MYH15: variants seen among roughly 807,000 people sequenced by gnomAD.
The protein encoded by MYH15 is myosin-15.
In MYH15, 227 loss-of-function variants were observed where a neutral mutation model predicts 240.5. The ratio of observed to expected loss-of-function variants is 0.94; its 90% CI spans 0.85 to 1.05. MYH15 has a LOEUF of 1.05. MYH15 is among the 50% of genes least tolerant of loss of function. The pLI, the probability that MYH15 is intolerant of heterozygous loss-of-function variation, is 0.00. For synonymous variants in MYH15, 785 were observed against 796.7 expected (o/e 0.99, Z 0.25); for missense variants, 2,217 against 2,247.5 (o/e 0.99, Z 0.27).
At chr3:108,517,107 C>T (rs1272127622) in intron 1 of MYH15, among the ~76,000 whole-genome samples, 1 of 152,078 alleles carries the variant, frequency 6.6e-6, no homozygotes, top group African/African-American at 2.4e-5. Flanking sequence ...CTTCTCTTTC[C>T]CAGTTGTTCA....
At chr3:108,503,333 A>C (rs1449157399) in intron 2 of MYH15, among the ~76,000 whole-genome samples, 1 of 152,170 alleles carries the variant, frequency 6.6e-6, no homozygotes, top group African/African-American at 2.4e-5. Flanking sequence ...AGGCCTAATA[A>C]AATTTAGTTG....
chr3:108,394,268 T>C lies in MYH15; in HGVS notation c.5134-112A>G, dbSNP rs2082442820. 5.1e-6 allele frequency: 7 copies of C among 1,369,482 alleles called. No individual in the cohort carries two copies. The East Asian group carries it at 1.6e-4, about 32-fold the overall frequency. The allele number at this position is 1,369,482 out of a possible 1,614,324, so 84.8% of individuals were successfully genotyped here. A position where few individuals can be genotyped will look rare whatever the true frequency, so the allele number is the denominator to read the frequency against. On this transcript the variant is annotated intron_variant, in intron 35 of 40. Transcript: ENST00000693548. ...AGCTCTGGCCAGAAGCAAATTTTATTATAGTGAGCCATAGTCCCTTAAGCA... is the reference window on the plus strand; with the variant it reads ...AGCTCTGGCCAGAAGCAAATTTTATCATAGTGAGCCATAGTCCCTTAAGCA...
intron 35 of MYH15, among the ~76,000 whole-genome samples, chr3:108,397,087 C>T (rs1482457531): frequency 1.3e-5 from 2 of 152,144 alleles, no homozygotes; most frequent in Non-Finnish European, 2.9e-5. Flanking sequence ...TTAATCTGTC[C>T]TTCACAATAA....
chr3:108,550,253 T>C, the MYH15 span: 6 of 151,532 alleles, frequency 4.0e-5, 1 homozygote, highest in Non-Finnish European at 7.4e-5. Flanking sequence ...TGCTTTAAAA[T>C]TAAATGAACC....
chr3:108,461,680 T>C (rs1419572935), intron 16 of MYH15: 1 of 152,162 alleles, frequency 6.6e-6, no homozygotes, highest in Non-Finnish European at 1.5e-5. Flanking sequence ...AGAGGTACTT[T>C]AGCAGCTATT....
chr3:108,413,709 G>A (rs1231080200), intron 30 of MYH15, among the ~76,000 whole-genome samples: 1 of 152,138 alleles, frequency 6.6e-6, no homozygotes, highest in African/African-American at 2.4e-5. Context: ...GGGTGGCCTG[G>A]GGATGATTTC....
At position 108,500,720 on chromosome 3, in the gene MYH15, G is replaced by A. The variant is rs558736732; in HGVS notation, c.340-446C>T. Among the ~76,000 whole-genome samples, 295 of 152,306 alleles carry A rather than the reference G, an allele frequency of 1.9e-3. 1 individual carries two copies. Among genetic ancestry groups the A allele is most frequent in the African/African-American group, 6.9e-3 (286 of 41,574 alleles). The stretch of plus-strand genomic sequence containing the variant: ...GTCGCCCCCAAATAGATATATTTAT[G>A]TCCTATTCTCCAGAGCCTGTGAATG... On this transcript the variant is annotated intron_variant, in intron 3 of 40. Coordinates refer to ENST00000693548, the MANE Select transcript of MYH15 (RefSeq NM_014981.3).
rs75221360 is a variant in MYH15, at chr3:108,441,031, G to A, written c.2885C>T (p.Thr962Ile). 39 of 1,614,016 alleles carry A rather than the reference G, an allele frequency of 2.4e-5. No individual in the cohort carries two copies. In the East Asian group the frequency reaches 8.2e-4, roughly 34 times the overall value. The change falls in exon 23 of 41, where the codon ACT becomes ATT. Residue 962 changes from threonine (T) to isoleucine (I), a missense_variant. By Grantham distance (89) the Thr-to-Ile change is moderately conservative. Coordinates refer to ENST00000693548, the MANE Select transcript of MYH15 (RefSeq NM_014981.3). ...MLVKSEKEKR[T>I]TEHKVKNLTE... ...TGGAAAAAGTACCTTGTGCTCTGTAGTACGCTTCTCCTTCTCTGACTTCAC... is the reference window on the plus strand; with the variant it reads ...TGGAAAAAGTACCTTGTGCTCTGTAATACGCTTCTCCTTCTCTGACTTCAC...
intron 37 of MYH15, among the ~76,000 whole-genome samples, chr3:108,389,846 C>T (rs575635089): frequency 4.6e-5 from 7 of 152,090 alleles, no homozygotes; most frequent in African/African-American, 9.7e-5. Flanking sequence ...TTCTCCTTGA[C>T]GCCAATGCCA....
intron 1 of MYH15, among the ~76,000 whole-genome samples, chr3:108,524,334 G>C (rs2083649044): frequency 6.6e-6 from 1 of 151,886 alleles, no homozygotes; most frequent in Admixed American, 6.6e-5. Flanking sequence ...ATTTGGATTA[G>C]TTCTTGTCTG....
chr3:108,490,859 T>C (rs1488443824), intron 9 of MYH15, among the ~76,000 whole-genome samples: 1 of 152,230 alleles, frequency 6.6e-6, no homozygotes, highest in Non-Finnish European at 1.5e-5. Flanking sequence ...AGACCTGCCA[T>C]ATAACCTACA....
At chr3:108,437,136 CAT>C (rs1202914757) in intron 25 of MYH15, among the ~76,000 whole-genome samples, 2 of 150,494 alleles carry the variant, frequency 1.3e-5, no homozygotes, top group African/African-American at 4.9e-5. Flanking sequence ...GTCTGGCAAA[CAT>C]ATATTATTTA....
chr3:108,476,474 C>T lies in MYH15; in HGVS notation c.1156G>A (p.Glu386Lys). The change falls in exon 12 of 41, where the codon GAG (glutamate) becomes AAG (lysine). Residue 386 changes from glutamate (E) to lysine (K), a missense_variant. Glu to Lys is a moderately conservative substitution (Grantham distance 56, BLOSUM62 1). Coordinates refer to ENST00000693548, the MANE Select transcript of MYH15 (RefSeq NM_014981.3). ...GGATGGATCAAGCACTTTACCAACT[C>T]AGAGGAGTTAATGCCCATGAGGAAA... ...AAFLMGINSS[E>K]LVKCLIHPRI... The T allele has an allele frequency of 6.2e-7, 1 of 1,613,310 alleles. No homozygotes were observed. The highest frequency in any genetic ancestry group is 8.5e-7 in the Non-Finnish European group (1 of 1,179,498).
At chr3:108,417,084 C>T (rs2082640568) in intron 28 of MYH15, among the ~76,000 whole-genome samples, 154 bp from the exon 29 acceptor site, 1 of 152,146 alleles carries the variant, frequency 6.6e-6, no homozygotes, top group Non-Finnish European at 1.5e-5. Flanking sequence ...TTCAGCAAAA[C>T]CGTGGCAATG....
intron 1 of MYH15, among the ~76,000 whole-genome samples, chr3:108,523,680 C>G (rs1316290395): frequency 1.3e-5 from 2 of 151,706 alleles, no homozygotes; most frequent in African/African-American, 4.8e-5. Context: ...TTTTATTCAC[C>G]CCACACATAA....
At chr3:108,506,349 A>C (rs950655846) in intron 1 of MYH15, among the ~76,000 whole-genome samples, 5 of 152,184 alleles carry the variant, frequency 3.3e-5, no homozygotes, top group African/African-American at 9.7e-5. Context: ...TTGAGGAGAG[A>C]GAATATGGGT....
intron 1 of MYH15, among the ~76,000 whole-genome samples, chr3:108,507,896 T>C (rs2083490313): frequency 6.6e-6 from 1 of 152,216 alleles, no homozygotes. Flanking sequence ...AGCATACATT[T>C]TGTGTGTGTG....
rs767052723 is a variant in MYH15, at chr3:108,437,535, C to T, written c.3221+19G>A. 2.5e-6 allele frequency: 4 copies of T among 1,607,604 alleles called. No homozygotes were observed. The Admixed American group carries it at 6.8e-5, about 27-fold the overall frequency. ...TATAAGGTCTCCAGCAATCTCATGT[C>T]AACAGAAAGGTGGCTTACTTCCTCA... On this transcript the variant is annotated intron_variant, in intron 25 of 40. Transcript: ENST00000693548.
chr3:108,383,820 T>C (rs370627447), intron 39 of MYH15, 91 bp from the exon 40 acceptor site: 1 of 1,052,744 alleles, frequency 9.5e-7, no homozygotes, highest in Non-Finnish European at 1.3e-6. Flanking sequence ...AGTTGAATAA[T>C]GTGAAAAGAA....
Sources: gnomAD v4.1 joint callset for allele counts (sites outside exome capture counted in the v4.1 genomes callset) on GRCh38, gnomAD v4.1.1 for gene constraint, MANE v1.5 for transcripts, NCBI Gene and HGNC (gene_info 2026-07-23, HGNC 2026-07-21) for gene names.